Variants in TEX11 observed in about 807,000 individuals in gnomAD.
The protein encoded by TEX11 is testis expressed 11, also known as testis-expressed protein 11.
In TEX11, 7 loss-of-function variants were observed where a neutral mutation model predicts 84.4. The observed-to-expected ratio is 0.08, with a 90% confidence interval of 0.05 to 0.16. The LOEUF is 0.16. Among genes scored for constraint, TEX11 ranks in the 10% least tolerant of loss-of-function variants. The pLI, the probability that TEX11 is intolerant of heterozygous loss-of-function variation, is 1.00. For synonymous variants in TEX11, 264 were observed against 222.8 expected, an observed-to-expected ratio of 1.18 and a Z score of -1.64; for missense variants, 551 against 660.5, an observed-to-expected ratio of 0.83 and a Z score of 1.82.
intron 9 of TEX11, among the ~76,000 whole-genome samples, chrX:70,805,526 G>A (rs1425990555): frequency 1.8e-5 from 2 of 109,607 alleles, no homozygotes; most frequent in East Asian, 2.9e-4. Flanking sequence ...TCAGCCTCCC[G>A]AGTAGCTGGG....
intron 24 of TEX11, among the ~76,000 whole-genome samples, chrX:70,593,102 C>G (rs768360381): frequency 1.8e-5 from 2 of 109,653 alleles, no homozygotes; most frequent in African/African-American, 6.7e-5. Flanking sequence ...CACACGCACA[C>G]GCACACACAC....
intron 13 of TEX11, among the ~76,000 whole-genome samples, chrX:70,722,193 T>A (rs2090564580): frequency 1.8e-5 from 2 of 112,290 alleles, no homozygotes; most frequent in Non-Finnish European, 3.8e-5. Flanking sequence ...ATTTTTTTAA[T>A]CTGTAATGTC....
intron 25 of TEX11, among the ~76,000 whole-genome samples, chrX:70,575,445 GATAGCCCTTATGGCCCTTAAA>G (rs2088660738): frequency 8.9e-6 from 1 of 111,766 alleles, no homozygotes; most frequent in Admixed American, 9.5e-5. Context: ...CAGGGTTACA[GATAGCCCTTATGGCCCTTAAA>G]AAAGAGGCTT....
chrX:70,831,960 G>A (rs1254948883), intron 8 of TEX11, among the ~76,000 whole-genome samples: 1 of 111,297 alleles, frequency 9.0e-6, no homozygotes. Context: ...AAAGTAGAAT[G>A]AGAAATTTGA....
chrX:70,783,656 C>A (rs766863850), intron 9 of TEX11, among the ~76,000 whole-genome samples: 1 of 111,820 alleles, frequency 8.9e-6, no homozygotes, highest in Non-Finnish European at 1.9e-5. Context: ...CACCACTGAT[C>A]CCACAGAAAT....
At chrX:70,593,619 A>G (rs2147501262) in intron 24 of TEX11, among the ~76,000 whole-genome samples, 1 of 112,266 alleles carries the variant, frequency 8.9e-6, no homozygotes, top group African/African-American at 3.2e-5. Flanking sequence ...TACTAAATGA[A>G]ACCACACTTA....
At chrX:70,725,380 T>G in intron 11 of TEX11, 37 bp from the exon 12 acceptor site, 1 of 1,026,062 alleles carries the variant, frequency 9.7e-7, no homozygotes, top group Non-Finnish European at 1.4e-6. Context: ...ATATTAAAAT[T>G]GTGGAATGTA....
chrX:70,748,542 T>C (rs993387675), intron 9 of TEX11, among the ~76,000 whole-genome samples: 1 of 111,347 alleles, frequency 9.0e-6, no homozygotes, highest in Admixed American at 9.6e-5. Context: ...TTTAGGGTTT[T>C]TATGGTTTTA....
At chrX:70,560,752 T>C (rs1203285367) in intron 25 of TEX11, among the ~76,000 whole-genome samples, 1 of 110,200 alleles carries the variant, frequency 9.1e-6, no homozygotes, top group Non-Finnish European at 1.9e-5. Context: ...AGACAAGGTC[T>C]CACTTTGTCA....
intron 17 of TEX11, among the ~76,000 whole-genome samples, chrX:70,647,648 AG>A (rs2089758070): frequency 9.8e-6 from 1 of 102,302 alleles, no homozygotes; most frequent in Non-Finnish European, 2.0e-5. Flanking sequence ...CTTGGGTGAC[AG>A]AGTAAGACCT....
At chrX:70,766,134 G>A (rs761354924) in intron 9 of TEX11, among the ~76,000 whole-genome samples, 1 of 111,855 alleles carries the variant, frequency 8.9e-6, no homozygotes, top group Non-Finnish European at 1.9e-5. Flanking sequence ...GAAGAGGACC[G>A]GGCATGGTGT....
intron 9 of TEX11, among the ~76,000 whole-genome samples, chrX:70,762,751 AG>A (rs1380525082): frequency 9.0e-6 from 1 of 111,420 alleles, no homozygotes; most frequent in South Asian, 3.8e-4. Context: ...AATTAAAATG[AG>A]GGCCAGGCAT....
chrX:70,686,933 T>A (rs1439141738), intron 13 of TEX11, among the ~76,000 whole-genome samples: 1 of 111,338 alleles, frequency 9.0e-6, no homozygotes, highest in Non-Finnish European at 1.9e-5. Flanking sequence ...CCCATAGTTT[T>A]AAAAAAAGAA....
chrX:70,624,468 T>C (rs192961207), intron 19 of TEX11, among the ~76,000 whole-genome samples: 83 of 111,656 alleles, frequency 7.4e-4, no homozygotes, highest in Non-Finnish European at 9.6e-4. Flanking sequence ...TTTTAAAACC[T>C]AAAAAGCTTT....
At chrX:70,825,226 C>T (rs757491890) in intron 8 of TEX11, among the ~76,000 whole-genome samples, 23 of 109,872 alleles carry the variant, frequency 2.1e-4, no homozygotes, top group African/African-American at 6.3e-4. Context: ...GCAGGAAAAG[C>T]GCTTGAACCC....
At chrX:70,822,265 A>G (rs748358942) in intron 8 of TEX11, among the ~76,000 whole-genome samples, 1 of 111,410 alleles carries the variant, frequency 9.0e-6, no homozygotes, top group Admixed American at 9.6e-5. Flanking sequence ...TTGGTTAAAT[A>G]CATGGATGTG....
At chrX:70,834,103 T>C (rs1275827135) in intron 7 of TEX11, among the ~76,000 whole-genome samples, 3 of 110,448 alleles carry the variant, frequency 2.7e-5, no homozygotes, top group Non-Finnish European at 5.7e-5. Context: ...GCGGGAAAAT[T>C]GCTCAAGTCC....
rs371723369 is a variant in TEX11, at chrX:70,609,187, A to T, written c.1793-10T>A. 5.6e-5 allele frequency: 67 copies of T among 1,199,272 alleles called. No homozygotes were observed. The highest frequency in any genetic ancestry group is 3.0e-5 in the Non-Finnish European group (27 of 888,871). On this transcript the variant is annotated splice_polypyrimidine_tract_variant and intron_variant, in intron 21 of 29. Transcript: ENST00000374333. ...GAAAGTTTCACAAAGGCTGCATCAA[A>T]CAGGAAAATTTGATACTGATGGTCT... is the stretch of plus-strand genomic sequence containing the variant.
chrX:70,644,477 G>A (rs968848321), intron 17 of TEX11, among the ~76,000 whole-genome samples: 4 of 108,298 alleles, frequency 3.7e-5, no homozygotes, highest in African/African-American at 6.7e-5. Flanking sequence ...GCACACGTAC[G>A]TTTATTGCGG....
Sources: allele counts gnomAD v4.1 joint callset (sites outside exome capture counted in the v4.1 genomes callset), GRCh38; gene constraint gnomAD v4.1.1; transcripts MANE v1.5; gene names NCBI Gene and HGNC (gene_info 2026-07-23, HGNC 2026-07-21).